WDPCP: variants seen among roughly 807,000 people sequenced by gnomAD.
WDPCP encodes WD repeat containing planar cell polarity effector.
A neutral mutation model predicts 93.1 loss-of-function variants in WDPCP; 71 were observed. The ratio of observed to expected loss-of-function variants is 0.76; its 90% CI spans 0.63 to 0.93. The LOEUF is 0.93. Among genes scored for constraint, WDPCP ranks in the 40% least tolerant of loss-of-function variants. The pLI, the probability that WDPCP is intolerant of heterozygous loss-of-function variation, is 0.00. For synonymous variants in WDPCP, 315 were observed against 315.0 expected, an observed-to-expected ratio of 1.00 and a Z score of 0.00; for missense variants, 844 against 887.4, an observed-to-expected ratio of 0.95 and a Z score of 0.62.
At chr2:63,553,581 C>T (rs573531550) in intron 1 of WDPCP, among the ~76,000 whole-genome samples, 1 of 151,904 alleles carries the variant, frequency 6.6e-6, no homozygotes, top group East Asian at 1.9e-4. Flanking sequence ...ATTTTCCATT[C>T]TTCTATTTTG....
intron 6 of WDPCP, among the ~76,000 whole-genome samples, chr2:63,462,943 G>A (rs75751106): frequency 0.045 from 6,857 of 152,120 alleles, 186 homozygotes; most frequent in South Asian, 0.068. Flanking sequence ...ACATTAAGTA[G>A]TCAGCTGGAT....
intron 2 of WDPCP, among the ~76,000 whole-genome samples, chr2:63,757,620 T>G (rs371420652): frequency 6.6e-6 from 1 of 152,298 alleles, no homozygotes; most frequent in East Asian, 1.9e-4. Context: ...CCAAAAGGCA[T>G]GTAGCCATTA....
chr2:63,130,856 G>T (rs1433168597), intron 17 of WDPCP, among the ~76,000 whole-genome samples: 1 of 151,820 alleles, frequency 6.6e-6, no homozygotes, highest in Non-Finnish European at 1.5e-5. Context: ...GTTAATGTTT[G>T]CTTCATATAT....
chr2:63,420,337 A>G (rs1270870544), intron 9 of WDPCP, among the ~76,000 whole-genome samples: 3 of 148,134 alleles, frequency 2.0e-5, no homozygotes, highest in African/African-American at 7.5e-5. Flanking sequence ...AGCCTGACCA[A>G]CATAGAGACA....
chr2:63,455,823 C>A (rs74519136), intron 6 of WDPCP, among the ~76,000 whole-genome samples: 1,572 of 152,216 alleles, frequency 0.01, 15 homozygotes, highest in South Asian at 0.022. Flanking sequence ...AGACTTTAGA[C>A]CAAACCTAAC....
intron 3 of WDPCP, among the ~76,000 whole-genome samples, chr2:63,640,285 G>T (rs1446231518): frequency 6.6e-6 from 1 of 152,196 alleles, no homozygotes; most frequent in Non-Finnish European, 1.5e-5. Flanking sequence ...TGGGATTACA[G>T]GTGTGAGCCA....
At chr2:63,779,037 T>C (rs1670348573) in intron 2 of WDPCP, among the ~76,000 whole-genome samples, 2 of 152,224 alleles carry the variant, frequency 1.3e-5, no homozygotes, top group African/African-American at 2.4e-5. Context: ...AATGTATCTT[T>C]TCCTTCTTTG....
intron 12 of WDPCP, among the ~76,000 whole-genome samples, chr2:63,376,089 T>G (rs895671063): frequency 6.6e-6 from 1 of 151,968 alleles, no homozygotes; most frequent in Non-Finnish European, 1.5e-5. Context: ...CCCCTGAGCA[T>G]GAGAACTTCT....
rs1036080516 is a variant in WDPCP, at chr2:63,215,998, C to T, written c.1916-41166G>A. Among the ~76,000 whole-genome samples the T allele has an allele frequency of 2.0e-5, 3 of 152,140 alleles. 1 individual carries two copies. The highest frequency in any genetic ancestry group is 4.4e-5 in the Non-Finnish European group (3 of 68,030). On this transcript the variant is annotated intron_variant, in intron 14 of 17. Coordinates refer to ENST00000272321, the MANE Select transcript of WDPCP (RefSeq NM_015910.7). ...CCATCAGAGAAATGCAAATCAAAAC[C>T]ACAATGAGATACCATCTCACACCAG...
intron 12 of WDPCP, among the ~76,000 whole-genome samples, chr2:63,355,892 A>T (rs372452164): frequency 1.2e-4 from 18 of 152,290 alleles, no homozygotes; most frequent in African/African-American, 4.3e-4. Flanking sequence ...TGTCTCAAAA[A>T]ACAAACAAAC....
intron 14 of WDPCP, among the ~76,000 whole-genome samples, chr2:63,195,506 C>G (rs1675357837): frequency 6.6e-6 from 1 of 152,046 alleles, no homozygotes; most frequent in African/African-American, 2.4e-5. Flanking sequence ...TTCTGGCATC[C>G]AGGCTGGAGT....
Position 63,520,623 on chromosome 2 carries a change from G to T in WDPCP, c.76-27683C>A, listed in dbSNP as rs1558747366. The stretch of plus-strand genomic sequence containing the variant: ...AAAAGAATTTTCATCCAGGCGTGAT[G>T]GCTCACACCTGTAATCCCAGCACTC... On this transcript the variant is annotated intron_variant, in intron 1 of 17. Transcript: ENST00000272321. Among the ~76,000 whole-genome samples, 3 of 152,140 alleles carry T rather than the reference G, an allele frequency of 2.0e-5. No homozygotes were observed. In the East Asian group the frequency reaches 5.8e-4, roughly 29 times the overall value.
intron 9 of WDPCP, among the ~76,000 whole-genome samples, chr2:63,407,080 A>C (rs375879308): frequency 3.3e-5 from 5 of 152,136 alleles, no homozygotes; most frequent in Non-Finnish European, 5.9e-5. Context: ...TATCCTAAAC[A>C]CTATGAAGTA....
chr2:63,407,167 C>T (rs1051683092), intron 9 of WDPCP, among the ~76,000 whole-genome samples: 1 of 152,018 alleles, frequency 6.6e-6, no homozygotes, highest in Admixed American at 6.6e-5. Context: ...CGAGACAGAC[C>T]TCTCTCATAA....
intron 2 of WDPCP, among the ~76,000 whole-genome samples, chr2:63,488,113 A>T (rs754866742): frequency 1.3e-5 from 2 of 152,136 alleles, no homozygotes; most frequent in Non-Finnish European, 2.9e-5. Flanking sequence ...AGATTCATTT[A>T]ACCAAGGAAT....
chr2:63,720,432 C>CAAAAA (rs1669399333), intron 2 of WDPCP, among the ~76,000 whole-genome samples: 1 of 143,704 alleles, frequency 7.0e-6, no homozygotes. Context: ...AAAAAAAAAA[C>CAAAAA]AAAACAAAAC....
intron 2 of WDPCP, among the ~76,000 whole-genome samples, chr2:63,776,600 G>A (rs775692093): frequency 2.8e-5 from 4 of 143,958 alleles, no homozygotes; most frequent in Non-Finnish European, 4.5e-5. Context: ...AGGCTGCAGT[G>A]AGCCATGATT....
intron 2 of WDPCP, among the ~76,000 whole-genome samples, chr2:63,756,710 C>T (rs1287077857): frequency 1.3e-5 from 2 of 152,098 alleles, no homozygotes; most frequent in African/African-American, 2.4e-5. Context: ...TACTAACAAC[C>T]TCTTAAGACT....
At chr2:63,663,108 T>C (rs1288958979) in intron 2 of WDPCP, among the ~76,000 whole-genome samples, 3 of 152,194 alleles carry the variant, frequency 2.0e-5, no homozygotes, top group Non-Finnish European at 2.9e-5. Flanking sequence ...TGTTGGCTGC[T>C]TTTTTGGGCT....
Sources: gnomAD v4.1 joint callset for allele counts (sites outside exome capture counted in the v4.1 genomes callset) on GRCh38, gnomAD v4.1.1 for gene constraint, MANE v1.5 for transcripts, NCBI Gene and HGNC (gene_info 2026-07-23, HGNC 2026-07-21) for gene names.